The following ANKRD11 variants were observed in gnomAD, a reference collection of about 807,000 sequenced individuals.
ANKRD11 encodes ankyrin repeat domain-containing protein 11.
A neutral mutation model predicts 195.7 loss-of-function variants in ANKRD11; 17 were observed. The observed-to-expected ratio is 0.09, with a 90% CI of 0.06 to 0.13. ANKRD11 has a LOEUF of 0.13. Ranked by LOEUF, ANKRD11 falls within the 10% of genes least tolerant of loss-of-function variation. The probability of loss-of-function intolerance (pLI) is 1.00; values close to 1 mark genes in which losing one functional copy is unlikely to be tolerated. For synonymous variants in ANKRD11, 1,953 were observed against 1,528.1 expected (o/e 1.28, Z -6.49); for missense variants, 3,735 against 3,566.1 (o/e 1.05, Z -1.21).
chr16:89,381,354 A>AGGC (rs1555560068), intron 2 of ANKRD11, among the ~76,000 whole-genome samples: 5 of 125,346 alleles, frequency 4.0e-5, no homozygotes, highest in Admixed American at 3.3e-4. Flanking sequence ...AAAAAAAAAA[A>AGGC]GGGGTGAGAA....
intron 3 of ANKRD11, among the ~76,000 whole-genome samples, chr16:89,307,557 G>GT (rs2036360520): frequency 1.3e-5 from 2 of 152,126 alleles, no homozygotes; most frequent in African/African-American, 2.4e-5. Context: ...CCTCAGGAAC[G>GT]TAACACCCAC....
At chr16:89,378,994 G>A (rs1329759987) in intron 2 of ANKRD11, among the ~76,000 whole-genome samples, 1 of 152,218 alleles carries the variant, frequency 6.6e-6, no homozygotes, top group Non-Finnish European at 1.5e-5. Flanking sequence ...ACTGGGGAGC[G>A]TCAAGACGCC....
chr16:89,286,202 A>AC lies in ANKRD11; in HGVS notation c.745-17dup. On this transcript the variant is annotated splice_polypyrimidine_tract_variant and intron_variant, in intron 7 of 12. Coordinates refer to ENST00000301030, the MANE Select transcript of ANKRD11 (RefSeq NM_013275.6). ...GCTTCACCACCTACAAGACAGTAAC[A>AC]CCCGCGTCAGGGACTGCTGGAGAAG... is the stretch of plus-strand genomic sequence containing the variant. The AC allele has an allele frequency of 6.8e-6, 11 of 1,611,588 alleles. No homozygotes were observed. The highest frequency in any genetic ancestry group is 9.3e-6 in the Non-Finnish European group (11 of 1,179,962).
chr16:89,440,008 C>G, intron 1 of ANKRD11, among the ~76,000 whole-genome samples: 1 of 152,346 alleles, frequency 6.6e-6, no homozygotes, highest in Middle Eastern at 3.4e-3. Flanking sequence ...ACTCCATAAT[C>G]TGTGACTTGG....
rs2040502872 is a variant in ANKRD11, at chr16:89,378,224, A to C, written c.-60+40060T>G. Among the ~76,000 whole-genome samples, 3 of 152,168 alleles carry C rather than the reference A, an allele frequency of 2.0e-5. No individual in the cohort carries two copies. The South Asian group carries it at 6.2e-4, about 32-fold the overall frequency. On this transcript the variant is annotated intron_variant, in intron 2 of 12. Coordinates refer to ENST00000301030, the MANE Select transcript of ANKRD11 (RefSeq NM_013275.6). ...GGAAAAAAAGTGCTTTGTATATGTC[A>C]GTGTTGGATTAAAATGTGTTGACTG...
chr16:89,386,638 A>T (rs775894746), intron 2 of ANKRD11, among the ~76,000 whole-genome samples: 1 of 152,176 alleles, frequency 6.6e-6, no homozygotes, highest in African/African-American at 2.4e-5. Context: ...CAGAATCACA[A>T]ATCTCTTCTC....
At chr16:89,418,826 G>A (rs925833726) in intron 1 of ANKRD11, among the ~76,000 whole-genome samples, 4 of 150,676 alleles carry the variant, frequency 2.7e-5, no homozygotes, top group Admixed American at 1.3e-4. Flanking sequence ...GTGCAGTGGC[G>A]TGATCTCAGC....
At chr16:89,404,618 A>C (rs2041834174) in intron 2 of ANKRD11, among the ~76,000 whole-genome samples, 1 of 152,184 alleles carries the variant, frequency 6.6e-6, no homozygotes, top group African/African-American at 2.4e-5. Flanking sequence ...TGCCTAGGTC[A>C]GGAGAAGACA....
chr16:89,474,296 G>A (rs1429770996), intron 1 of ANKRD11, among the ~76,000 whole-genome samples: 2 of 152,016 alleles, frequency 1.3e-5, no homozygotes, highest in Non-Finnish European at 2.9e-5. Flanking sequence ...AATGTGTTGT[G>A]TGTCAATTTG....
At chr16:89,480,057 G>C (rs1451724512) in intron 1 of ANKRD11, among the ~76,000 whole-genome samples, 1 of 151,638 alleles carries the variant, frequency 6.6e-6, no homozygotes, top group African/African-American at 2.4e-5. Flanking sequence ...GTTGCAGTGA[G>C]CTGAGATCGT....
chr16:89,296,433 C>T (rs1014177640), intron 4 of ANKRD11, among the ~76,000 whole-genome samples: 1 of 152,164 alleles, frequency 6.6e-6, no homozygotes, highest in African/African-American at 2.4e-5. Context: ...GCTCCAGAGT[C>T]TAGGCAATCT....
Position 89,465,659 on chromosome 16 carries a change from C to T in ANKRD11, c.-145+24586G>A, listed in dbSNP as rs187234489. Among the ~76,000 whole-genome samples the T allele has an allele frequency of 3.9e-5, 6 of 152,310 alleles. No homozygotes were observed. In the East Asian group the frequency reaches 1.2e-3, roughly 29 times the overall value. ...CATGTACTCCTGCACGTCACGTGGA[C>T]GAGCTAAAGAAGACTCCTCTGCTCC... is the stretch of plus-strand genomic sequence containing the variant. On this transcript the variant is annotated intron_variant, in intron 1 of 12. Transcript: ENST00000301030.
At chr16:89,444,666 C>T (rs1360188385) in intron 1 of ANKRD11, among the ~76,000 whole-genome samples, 1 of 152,148 alleles carries the variant, frequency 6.6e-6, no homozygotes, top group African/African-American at 2.4e-5. Context: ...AAATTCTACT[C>T]CAGGCATAGT....
Position 89,281,551 on chromosome 16 carries a change from G to A in ANKRD11, c.4991C>T (p.Ala1664Val), listed in dbSNP as rs201160642. 71 of 1,614,198 alleles carry A rather than the reference G, an allele frequency of 4.4e-5. No homozygotes were observed. The Middle Eastern group carries it at 8.2e-4, about 19-fold the overall frequency. Residue 1664 changes from alanine to valine, a missense_variant, in exon 9 of 13, where the codon GCG (alanine) becomes GTG (valine). Transcript: ENST00000301030. This position sits in a 1 kb window ranked among gnomAD's most constrained non-coding sequence, Gnocchi z 5.5. ...TGATGCTGGGTGTAGCTTATTTTCC[G>A]CGGCAGGTGGAATAGGAGTCGACTC... ...LKESTPIPPAAENKLHPASGA... is the reference protein window; with the variant it reads ...LKESTPIPPAVENKLHPASGA...
intron 1 of ANKRD11, among the ~76,000 whole-genome samples, chr16:89,439,941 C>G (rs2043374705): frequency 6.6e-6 from 1 of 152,232 alleles, no homozygotes; most frequent in Admixed American, 6.5e-5. Context: ...ACACCCACAG[C>G]AGGAGAGGCC....
chr16:89,328,585 G>A (rs2037861669), intron 2 of ANKRD11, among the ~76,000 whole-genome samples: 1 of 150,672 alleles, frequency 6.6e-6, no homozygotes. Context: ...ACACACCCAG[G>A]CGTACGGGTG....
intron 2 of ANKRD11, among the ~76,000 whole-genome samples, chr16:89,417,473 C>G (rs1168390564): frequency 6.6e-6 from 1 of 152,206 alleles, no homozygotes; most frequent in Admixed American, 6.5e-5. Flanking sequence ...GCGACACGTG[C>G]TTGCTCAGAG....
intron 2 of ANKRD11, among the ~76,000 whole-genome samples, chr16:89,322,026 C>T (rs1209927664): frequency 6.6e-6 from 1 of 152,220 alleles, no homozygotes; most frequent in East Asian, 1.9e-4. Context: ...AAGAGCAGAA[C>T]ACACATAACA....
At chr16:89,366,550 G>A (rs1356984255) in intron 2 of ANKRD11, among the ~76,000 whole-genome samples, 1 of 152,192 alleles carries the variant, frequency 6.6e-6, no homozygotes, top group African/African-American at 2.4e-5. Flanking sequence ...GTCTCGCTGT[G>A]AGAAACCCAG....
Sources: allele counts gnomAD v4.1 joint callset (sites outside exome capture counted in the v4.1 genomes callset), GRCh38; gene constraint gnomAD v4.1.1; non-coding constraint Gnocchi (gnomAD v3.1); transcripts MANE v1.5; gene names NCBI Gene and HGNC (gene_info 2026-07-23, HGNC 2026-07-21).